The following DNAH5 variants were observed in gnomAD, a reference collection of about 807,000 sequenced individuals.
DNAH5 encodes dynein axonemal heavy chain 5.
A neutral mutation model predicts 518.2 loss-of-function variants in DNAH5; 372 were observed. The ratio of observed to expected loss-of-function variants is 0.72; its 90% confidence interval spans 0.66 to 0.78. The LOEUF (loss-of-function observed/expected upper bound fraction) is 0.78. Among genes scored for constraint, DNAH5 ranks in the 30% least tolerant of loss-of-function variants. DNAH5 has a pLI of 0.00. For synonymous variants in DNAH5, 2,039 were observed against 2,025.9 expected (o/e 1.01, Z -0.17); for missense variants, 5,523 against 5,687.0 (o/e 0.97, Z 0.93).
chr5:13,737,777 A>C (rs1747757422), intron 65 of DNAH5, among the ~76,000 whole-genome samples: 2 of 152,040 alleles, frequency 1.3e-5, no homozygotes, highest in African/African-American at 4.8e-5. Flanking sequence ...TACAAAAAAA[A>C]ATAGCTGGGC....
chr5:13,919,086 T>A (rs1776966336), intron 7 of DNAH5, 90 bp downstream of exon 7: 1 of 1,492,490 alleles, frequency 6.7e-7, no homozygotes, highest in South Asian at 1.1e-5. Context: ...TATAATAACA[T>A]TTTTTTGTTC....
rs1754221145 is a variant in DNAH5 at position 13,777,205 on chromosome 5, A to G, written c.9102T>C (p.Gly3034=). The part of the protein sequence containing the change: ...LEYMNNVLSS[G]EVSNLFARDE... ...TAAAGAATAAATGAGCTCCTACCTC[A>G]CCTGATGATAAAACATTGTTCATAT... Residue 3034 remains glycine (G), a synonymous_variant, in exon 54 of 79, where the codon GGT becomes GGC. Coordinates refer to ENST00000265104, the MANE Select transcript of DNAH5 (RefSeq NM_001369.3). 3 of 1,612,320 alleles carry G rather than the reference A, an allele frequency of 1.9e-6. No individual in the cohort carries two copies. The highest frequency in any genetic ancestry group is 2.5e-6 in the Non-Finnish European group (3 of 1,178,896).
chr5:13,837,692 C>CT (rs534618242), intron 35 of DNAH5, among the ~76,000 whole-genome samples: 1,953 of 95,110 alleles, frequency 0.021, 346 homozygotes, highest in Non-Finnish European at 0.028. Context: ...GGGAACTCCA[C>CT]TTTTTTTTTT....
At chr5:13,755,071 G>A (rs187339996) in intron 61 of DNAH5, among the ~76,000 whole-genome samples, 1 of 152,172 alleles carries the variant, frequency 6.6e-6, no homozygotes, top group Admixed American at 6.5e-5. Flanking sequence ...GAACCTGGGA[G>A]GTGGAGATTG....
intron 68 of DNAH5, among the ~76,000 whole-genome samples, chr5:13,730,801 A>G (rs1273718553): frequency 1.3e-5 from 2 of 150,346 alleles, no homozygotes; most frequent in African/African-American, 4.9e-5. Flanking sequence ...CCCAGGTTCA[A>G]GCAATTCTCC....
At chr5:13,842,600 A>C (rs537292579) in intron 32 of DNAH5, among the ~76,000 whole-genome samples, 1 of 152,204 alleles carries the variant, frequency 6.6e-6, no homozygotes, top group South Asian at 2.1e-4. Flanking sequence ...TGATTTTTAA[A>C]ATCTCTAAAG....
intron 1 of DNAH5, among the ~76,000 whole-genome samples, chr5:13,951,208 G>GTTTT (rs869082404): frequency 3.0e-5 from 2 of 66,596 alleles, no homozygotes; most frequent in African/African-American, 1.3e-4. Context: ...TGTTTTTTTC[G>GTTTT]TTTTTTTTTT....
At chr5:13,951,054 G>C (rs528461138) in intron 1 of DNAH5, among the ~76,000 whole-genome samples, 11 of 152,020 alleles carry the variant, frequency 7.2e-5, no homozygotes, top group Non-Finnish European at 1.5e-4. Context: ...GAAAGCATTA[G>C]GAGCTGATGG....
intron 17 of DNAH5, among the ~76,000 whole-genome samples, chr5:13,887,479 T>C (rs950787626): frequency 3.9e-5 from 6 of 152,208 alleles, no homozygotes; most frequent in Non-Finnish European, 8.8e-5. Flanking sequence ...CCTCCACTTA[T>C]CCTGCTTCAT....
intron 1 of DNAH5, among the ~76,000 whole-genome samples, chr5:13,973,119 T>C (rs35589032): frequency 1.6e-4 from 25 of 152,088 alleles, no homozygotes; most frequent in Admixed American, 3.9e-4. Flanking sequence ...TCTCCATAAG[T>C]GGAAGACAGG....
At chr5:13,948,082 C>T (rs1780071953), upstream of DNAH5, among the ~76,000 whole-genome samples, 1 of 152,206 alleles carries the variant, frequency 6.6e-6, no homozygotes, top group Non-Finnish European at 1.5e-5. Context: ...TTACAGCCAA[C>T]AAACCACAGA....
intron 16 of DNAH5, 34 bp from the exon 17 acceptor site, chr5:13,891,155 T>G: frequency 6.2e-7 from 1 of 1,611,454 alleles, no homozygotes; most frequent in African/African-American, 1.3e-5. Flanking sequence ...TAAAAGAGAT[T>G]AGGTAAAGCA....
rs1765084276 is a variant in DNAH5, at chr5:13,841,024, A to G, written c.5591T>C (p.Leu1864Pro). 6.2e-7 allele frequency: 1 copy of G among 1,614,200 alleles called. No homozygotes were observed. The highest frequency in any genetic ancestry group is 2.2e-5 in the East Asian group (1 of 44,880). Reference protein sequence around the residue: ...KIMQKTNQAFLELLNTLIDVT... With the variant: ...KIMQKTNQAFPELLNTLIDVT... ...GTCTATCAATGTATTGAGTAGCTCCAGGAAAGCCTGATTAGTTTTCTGCAT... is the reference window on the plus strand; with the variant it reads ...GTCTATCAATGTATTGAGTAGCTCCGGGAAAGCCTGATTAGTTTTCTGCAT... Residue 1864 changes from leucine to proline, a missense_variant, in exon 34 of 79, where the codon CTG (leucine) becomes CCG (proline). Physicochemically the swap from Leu to Pro is moderately conservative, Grantham distance 98. This residue lies in a region of DNAH5 where 5,121 missense variants were observed against 5,223.3 expected (regional missense o/e 0.98). Transcript: ENST00000265104.
intron 19 of DNAH5, among the ~76,000 whole-genome samples, chr5:13,884,355 A>C (rs1227446959): frequency 6.6e-6 from 1 of 152,066 alleles, no homozygotes; most frequent in Non-Finnish European, 1.5e-5. Context: ...TTTTCATCTT[A>C]TTACAAAAAG....
intron 65 of DNAH5, among the ~76,000 whole-genome samples, chr5:13,746,697 T>C (rs544938085): frequency 3.3e-5 from 5 of 152,112 alleles, no homozygotes; most frequent in African/African-American, 9.6e-5. Context: ...TCAGGTTGAG[T>C]TTCTCCCAAG....
intron 19 of DNAH5, 75 bp downstream of exon 19, chr5:13,884,914 G>GCACA (rs60385373): frequency 4.0e-6 from 6 of 1,511,472 alleles, no homozygotes; most frequent in South Asian, 2.3e-5. Flanking sequence ...GTGCACACGT[G>GCACA]CACACACACA....
At chr5:13,889,210 T>C (rs1772845986) in intron 17 of DNAH5, among the ~76,000 whole-genome samples, 1 of 152,274 alleles carries the variant, frequency 6.6e-6, no homozygotes, top group South Asian at 2.1e-4. Context: ...TTAAAACAAG[T>C]GTATTTTTAT....
intron 25 of DNAH5, 146 bp from the exon 26 acceptor site, chr5:13,866,428 A>C (rs1483149442): frequency 1.4e-6 from 1 of 711,134 alleles, no homozygotes; most frequent in African/African-American, 1.8e-5. Flanking sequence ...GGCCTCACAA[A>C]GTGATTCATT....
At chr5:13,812,210 A>G (rs549246303) in intron 43 of DNAH5, among the ~76,000 whole-genome samples, 1 of 152,304 alleles carries the variant, frequency 6.6e-6, no homozygotes, top group East Asian at 1.9e-4. Context: ...CTCTTGATTA[A>G]AATATGCTGG....
Sources: allele counts gnomAD v4.1 joint callset (sites outside exome capture counted in the v4.1 genomes callset), GRCh38; gene constraint gnomAD v4.1.1; regional missense constraint gnomAD v4.1.1; transcripts MANE v1.5; gene names NCBI Gene and HGNC (gene_info 2026-07-23, HGNC 2026-07-21).